RABEP2: variants seen among roughly 807,000 people sequenced by gnomAD.
RABEP2 encodes the protein rabaptin, RAB GTPase binding effector protein 2.
Under a neutral mutation model 74.1 loss-of-function variants are expected in RABEP2, and 57 were observed. The ratio of observed to expected loss-of-function variants is 0.77; its 90% CI spans 0.62 to 0.96. The LOEUF (loss-of-function observed/expected upper bound fraction) is 0.96, where lower values mean the gene tolerates loss of function less well. RABEP2 is among the 40% of genes least tolerant of loss of function. The pLI is 0.00. For synonymous variants in RABEP2, 351 were observed against 344.0 expected (o/e 1.02, Z -0.23); for missense variants, 692 against 756.3 (o/e 0.91, Z 1.00).
chr16:28,920,093 G>A (rs188639935), intron 2 of RABEP2, 150 bp from the exon 3 acceptor site: 11 of 930,472 alleles, frequency 1.2e-5, no homozygotes, highest in Non-Finnish European at 1.7e-5. Context: ...AATTGACCTG[G>A]GCAATCACTC....
chr16:28,906,827 C>A (rs532717957), intron 8 of RABEP2, among the ~76,000 whole-genome samples: 1 of 151,714 alleles, frequency 6.6e-6, no homozygotes, highest in Non-Finnish European at 1.5e-5. Context: ...CAGCTGGTGG[C>A]CGGCGCCTGT....
At chr16:28,907,182 A>ACAGGGTCTCACTCTGTGGCC (rs1162522015) in intron 8 of RABEP2, among the ~76,000 whole-genome samples, 1 of 125,148 alleles carries the variant, frequency 8.0e-6, no homozygotes, top group Non-Finnish European at 1.6e-5. Context: ...TTTTTTTGAG[A>ACAGGGTCTCACTCTGTGGCC]CAGGGTCTCA....
chr16:28,914,658 G>C lies in RABEP2; in HGVS notation c.543+14C>G, dbSNP rs748729728. 20 of 1,613,564 alleles carry C rather than the reference G, an allele frequency of 1.2e-5. No individual in the cohort carries two copies. The East Asian group carries it at 2.0e-4, about 16-fold the overall frequency. On this transcript the variant is annotated intron_variant, in intron 4 of 12. Transcript: ENST00000358201. ...CACCCCTCCTTCCCCAGCGCCCCCT[G>C]GCCGTGCCCTCACCTGGATCTCCTG...
At chr16:28,921,979 CA>C (rs1017254722) in intron 2 of RABEP2, among the ~76,000 whole-genome samples, 4 of 151,368 alleles carry the variant, frequency 2.6e-5, no homozygotes, top group African/African-American at 4.9e-5. Flanking sequence ...AACAAAAAAA[CA>C]AAAAAAAGAG....
intron 2 of RABEP2, among the ~76,000 whole-genome samples, chr16:28,923,768 T>C (rs908823825): frequency 1.3e-5 from 2 of 152,126 alleles, no homozygotes; most frequent in African/African-American, 2.4e-5. Context: ...TGTGAGAAGG[T>C]TGGGACAAAA....
Position 28,924,482 on chromosome 16 carries a change from C to G in RABEP2, c.195G>C (p.Glu65Asp). 3 of 1,614,068 alleles carry G rather than the reference C, an allele frequency of 1.9e-6. No homozygotes were observed. The highest frequency in any genetic ancestry group is 2.5e-6 in the Non-Finnish European group (3 of 1,180,024). Residue 65 changes from glutamate to aspartate, a missense_variant, in exon 2 of 13, where the codon GAG (glutamate) becomes GAC (aspartate). Physicochemically the swap from Glu to Asp is conservative, Grantham distance 45. Coordinates refer to ENST00000358201, the MANE Select transcript of RABEP2 (RefSeq NM_024816.3). The part of the protein sequence containing the change: ...ETMKAVAEVS[E>D]STKAEAVAAV... ...CAGCCACAGCCTCGGCCTTCGTGCT[C>G]TCGCTCACCTCTGCCACAGCCTTCA...
rs747296984 is a variant in RABEP2, at chr16:28,919,848, G to A, written c.370C>T (p.Arg124Cys). 1.4e-5 allele frequency: 22 copies of A among 1,611,806 alleles called. No homozygotes were observed. Among genetic ancestry groups the A allele is most frequent in the African/African-American group, 5.3e-5 (4 of 74,898 alleles). ...DCEEKERELG[R>C]LKQLLSRAYP... Reference sequence around the variant, plus strand: ...GCCCGGGACAGCAGCTGCTTCAGGCGGCCCAGCTCCCGCTCCTTCTCCTCA... The same window carrying A: ...GCCCGGGACAGCAGCTGCTTCAGGCAGCCCAGCTCCCGCTCCTTCTCCTCA... Residue 124 changes from arginine (R) to cysteine (C), a missense_variant, in exon 3 of 13, where the codon CGC becomes TGC. By Grantham distance (180) the Arg-to-Cys change is radical. Transcript: ENST00000358201.
intron 5 of RABEP2, among the ~76,000 whole-genome samples, chr16:28,913,410 TTATTG>T (rs1964340381): frequency 6.6e-6 from 1 of 152,160 alleles, no homozygotes; most frequent in Admixed American, 6.6e-5. Flanking sequence ...TAAAGCATCT[TTATTG>T]AGTTATAATT....
chr16:28,908,807 C>T (rs572745203), intron 7 of RABEP2, 43 bp from the exon 8 acceptor site: 48 of 1,590,092 alleles, frequency 3.0e-5, no homozygotes, highest in East Asian at 1.4e-4. Flanking sequence ...GAGGACAGGG[C>T]GTCTCCAGTC....
intron 3 of RABEP2, among the ~76,000 whole-genome samples, chr16:28,917,329 C>G (rs1964408436): frequency 6.6e-6 from 1 of 152,240 alleles, no homozygotes; most frequent in South Asian, 2.1e-4. Flanking sequence ...TGCCAGTCAT[C>G]CCTGTCCACA....
At chr16:28,916,673 CAAAAA>C (rs74392921) in intron 3 of RABEP2, among the ~76,000 whole-genome samples, 2 of 48,672 alleles carry the variant, frequency 4.1e-5, no homozygotes, top group Non-Finnish European at 3.9e-5. Flanking sequence ...CTCTTGTCTC[CAAAAA>C]AAAAAAAAAA....
intron 5 of RABEP2, among the ~76,000 whole-genome samples, chr16:28,913,896 T>C (rs956163877): frequency 2.0e-5 from 3 of 148,802 alleles, no homozygotes; most frequent in African/African-American, 7.4e-5. Flanking sequence ...TCCTCCTGCC[T>C]CAGCCTCCCA....
intron 3 of RABEP2, among the ~76,000 whole-genome samples, chr16:28,918,233 C>A (rs1028264574): frequency 6.6e-6 from 1 of 151,822 alleles, no homozygotes; most frequent in Non-Finnish European, 1.5e-5. Flanking sequence ...GCGCCCGCCA[C>A]CGCGCCTGGC....
Position 28,904,658 on chromosome 16 carries a change from GC to G in RABEP2, c.*284del. ...GGGCTGGGGGCAGGGGAGGGCTGGAGCCCAGGAGGCAGCACAGCAGCCAGAA... is the reference window on the plus strand; with the variant it reads ...GGGCTGGGGGCAGGGGAGGGCTGGAGCCAGGAGGCAGCACAGCAGCCAGAA... On this transcript the variant is annotated 3_prime_UTR_variant, in exon 13 of 13. Transcript: ENST00000358201. 1.3e-6 allele frequency: 1 copy of G among 747,372 alleles called. No homozygotes were observed. The highest frequency in any genetic ancestry group is 2.0e-6 in the Non-Finnish European group (1 of 495,400). The allele number at this position is 747,372 out of a possible 1,614,324, so 46.3% of individuals were successfully genotyped here.
chr16:28,924,649 C>G (rs779197481), intron 1 of RABEP2, 34 bp from the exon 2 acceptor site: 1 of 1,583,916 alleles, frequency 6.3e-7, no homozygotes, highest in Non-Finnish European at 8.6e-7. Flanking sequence ...CTCTTCCCAT[C>G]TCTTACCCCA....
chr16:28,906,373 C>T (rs952029228), intron 8 of RABEP2, among the ~76,000 whole-genome samples, 177 bp from the exon 9 acceptor site: 1 of 152,214 alleles, frequency 6.6e-6, no homozygotes, highest in Non-Finnish European at 1.5e-5. Context: ...AGGTGCGCTC[C>T]GGCCCAGGAG....
intron 2 of RABEP2, 158 bp downstream of exon 2, chr16:28,924,245 T>C (rs1388925937): frequency 3.0e-6 from 2 of 676,578 alleles, no homozygotes; most frequent in Non-Finnish European, 4.9e-6. Context: ...TCTATGCAAA[T>C]TTTAAAAGGG....
In RABEP2 at chr16:28,922,233, C is replaced by T. The variant is rs971620565; in HGVS notation, c.274+2170G>A. Among the ~76,000 whole-genome samples, 4 of 152,162 alleles carry T rather than the reference C, an allele frequency of 2.6e-5. No individual in the cohort carries two copies. The East Asian group carries it at 5.8e-4, about 22-fold the overall frequency. On this transcript the variant is annotated intron_variant, in intron 2 of 12. Transcript: ENST00000358201. ...TGGACTTGTTTGATTTTTGGTAGAA[C>T]GTGGTCATTTTTTGTTTGTATAGAT...
chr16:28,905,383 G>T lies in RABEP2; in HGVS notation c.1608+14C>A. ...TGGAGCCAGCCAGCCTGGCGGGGCT[G>T]GGACAGGCCATACCTGCAGGGCCTG... On this transcript the variant is annotated intron_variant, in intron 12 of 12. Transcript: ENST00000358201. 1 of 1,590,940 alleles carries T rather than the reference G, an allele frequency of 6.3e-7. No individual in the cohort carries two copies.
Sources: allele counts gnomAD v4.1 joint callset (sites outside exome capture counted in the v4.1 genomes callset), GRCh38; gene constraint gnomAD v4.1.1; transcripts MANE v1.5; gene names NCBI Gene and HGNC (gene_info 2026-07-23, HGNC 2026-07-21).